Variants in ARMH1 observed in about 807,000 individuals in gnomAD.
ARMH1 encodes armadillo-like helical domain containing protein 1.
Under a neutral mutation model 50.2 loss-of-function variants are expected in ARMH1, and 34 were observed. That is an observed-to-expected ratio of 0.68 (90% CI 0.51 to 0.90). The LOEUF (loss-of-function observed/expected upper bound fraction) is 0.90. Among genes scored for constraint, ARMH1 ranks in the 40% least tolerant of loss-of-function variants. The probability of loss-of-function intolerance (pLI) is 0.00; values close to 1 mark genes in which losing one functional copy is unlikely to be tolerated. For missense variants in ARMH1, 538 were observed against 553.9 expected (o/e 0.97, Z 0.29); for synonymous variants, 221 against 224.2 (o/e 0.99, Z 0.13).
intron 4 of ARMH1, 39 bp downstream of exon 4, chr1:44,698,268 C>G (rs1220561160): frequency 6.7e-7 from 1 of 1,498,862 alleles, no homozygotes; most frequent in Non-Finnish European, 9.0e-7. Context: ...TCCCTAGGGG[C>G]CTGAATGACA....
At chr1:44,721,043 A>C (rs1647088991) in intron 6 of ARMH1, among the ~76,000 whole-genome samples, 1 of 151,934 alleles carries the variant, frequency 6.6e-6, no homozygotes, top group South Asian at 2.1e-4. Context: ...TCTCAAAACA[A>C]AACAAAACAA....
intron 6 of ARMH1, among the ~76,000 whole-genome samples, chr1:44,713,380 T>G (rs929810939): frequency 2.0e-5 from 3 of 151,938 alleles, no homozygotes; most frequent in Non-Finnish European, 4.4e-5. Flanking sequence ...ATTACAGGTA[T>G]GAGTCACTGC....
chr1:44,706,525 C>T (rs1162242915), intron 6 of ARMH1, among the ~76,000 whole-genome samples: 1 of 152,140 alleles, frequency 6.6e-6, no homozygotes, highest in Non-Finnish European at 1.5e-5. Flanking sequence ...GGTTCACGTA[C>T]GCAAGTGAGA....
At position 44,675,424 on chromosome 1, in the gene ARMH1, G is replaced by A. The variant is rs551865706; in HGVS notation, c.-23+551G>A. Among the ~76,000 whole-genome samples, 7 of 152,296 alleles carry A rather than the reference G, an allele frequency of 4.6e-5. No individual in the cohort carries two copies. The East Asian group carries it at 1.2e-3, about 25-fold the overall frequency. ...ACTCGTAATCCCAGCACTTTGGAAG[G>A]CCAAGACGGGAGAATGGCTTGAAGG... On this transcript the variant is annotated intron_variant, in intron 1 of 11. Coordinates refer to ENST00000535358, the MANE Select transcript of ARMH1 (RefSeq NM_001145636.2).
Position 44,724,701 on chromosome 1 carries a change from G to A in ARMH1, c.1050+33G>A. 6.7e-7 allele frequency: 1 copy of A among 1,481,796 alleles called. No individual in the cohort carries two copies. The highest frequency in any genetic ancestry group is 8.9e-7 in the Non-Finnish European group (1 of 1,123,588). 91.8% of individuals were successfully genotyped at this position (1,481,796 alleles called of 1,614,324 possible). On this transcript the variant is annotated intron_variant, in intron 9 of 11. Coordinates refer to ENST00000535358, the MANE Select transcript of ARMH1 (RefSeq NM_001145636.2). The surrounding 1 kb of genome is among the most constrained non-coding windows in gnomAD (Gnocchi z 6.4). ...CGGCGGCTGGTTAGGGGGCGGGAAG[G>A]GCGGCGGCACCCGCAGCCCCGTCGC...
At chr1:44,698,314 C>T in intron 4 of ARMH1, 85 bp downstream of exon 4, 2 of 1,218,504 alleles carry the variant, frequency 1.6e-6, no homozygotes, top group Admixed American at 3.0e-5. Flanking sequence ...AGGAAAAACA[C>T]ATCATGAAAC....
chr1:44,714,476 T>C (rs1243507533), intron 6 of ARMH1, among the ~76,000 whole-genome samples: 1 of 151,806 alleles, frequency 6.6e-6, no homozygotes, highest in Non-Finnish European at 1.5e-5. Flanking sequence ...TCCCAGCTAC[T>C]TGGGAGGCTG....
chr1:44,701,704 G>A (rs1646089107), intron 5 of ARMH1, among the ~76,000 whole-genome samples: 3 of 152,168 alleles, frequency 2.0e-5, no homozygotes, highest in Non-Finnish European at 2.9e-5. Flanking sequence ...TGCAGTGGGT[G>A]GATCACTTGA....
At chr1:44,721,739 G>A (rs564917891) in intron 6 of ARMH1, 16 of 151,972 alleles carry the variant, frequency 1.1e-4, no homozygotes, top group East Asian at 1.9e-4. Flanking sequence ...ACCTCCCAAA[G>A]CATGAAACAC....
intron 2 of ARMH1, among the ~76,000 whole-genome samples, chr1:44,696,110 C>T (rs1409756733): frequency 1.3e-5 from 2 of 152,256 alleles, no homozygotes; most frequent in Non-Finnish European, 2.9e-5. Flanking sequence ...AAAAGACCAC[C>T]GTGTGGGCTG....
intron 4 of ARMH1, among the ~76,000 whole-genome samples, chr1:44,700,597 C>G (rs1349209600): frequency 8.3e-6 from 1 of 120,994 alleles, no homozygotes; most frequent in Non-Finnish European, 1.6e-5. Flanking sequence ...GCCTGGGCAA[C>G]AGACAGAGAC....
intron 3 of ARMH1, among the ~76,000 whole-genome samples, chr1:44,697,427 A>G (rs996051638): frequency 2.0e-5 from 3 of 152,148 alleles, no homozygotes; most frequent in East Asian, 1.9e-4. Flanking sequence ...TGGACTCAGA[A>G]AAAGGAAAAT....
At chr1:44,722,163 C>G (rs533515772) in intron 6 of ARMH1, among the ~76,000 whole-genome samples, 1 of 152,228 alleles carries the variant, frequency 6.6e-6, no homozygotes, top group African/African-American at 2.4e-5. Flanking sequence ...TCCTCTAAAC[C>G]CTCTCTCTCT....
At chr1:44,688,242 G>A (rs1645539191) in intron 1 of ARMH1, 4 of 152,332 alleles carry the variant, frequency 2.6e-5, no homozygotes, top group Admixed American at 6.5e-5. Flanking sequence ...GCTAGATTTC[G>A]TGGTTATCTC....
intron 2 of ARMH1, among the ~76,000 whole-genome samples, chr1:44,694,331 C>A (rs1388761167): frequency 6.6e-6 from 1 of 152,120 alleles, no homozygotes; most frequent in African/African-American, 2.4e-5. Context: ...TGGAGGAAAA[C>A]AAGTCAATAT....
intron 6 of ARMH1, among the ~76,000 whole-genome samples, chr1:44,710,608 CAA>C (rs56731047): frequency 0.53 from 49,036 of 92,318 alleles, 8,953 homozygotes; most frequent in Admixed American, 0.59. Flanking sequence ...GACTCCGTCT[CAA>C]AAAAAAAAAA....
rs921921871 is a variant in ARMH1 at position 44,721,623 on chromosome 1, T to C, written c.725-2499T>C. ...AAGTACACAAAATTAGACAGGCTTA[T>C]GAGGCTGAGGTGGGAGGATTGCTTG... On this transcript the variant is annotated intron_variant, in intron 6 of 11. Coordinates refer to ENST00000535358, the MANE Select transcript of ARMH1 (RefSeq NM_001145636.2). Among the ~76,000 whole-genome samples, 14 of 152,216 alleles carry C rather than the reference T, an allele frequency of 9.2e-5. No homozygotes were observed. In the South Asian group the frequency reaches 1.2e-3, roughly 14 times the overall value.
intron 6 of ARMH1, among the ~76,000 whole-genome samples, chr1:44,709,873 T>A (rs1646524437): frequency 1.3e-5 from 2 of 152,034 alleles, no homozygotes; most frequent in South Asian, 4.1e-4. Flanking sequence ...AACAAATACG[T>A]ATAAGAATCA....
Position 44,682,452 on chromosome 1 carries a change from A to C in ARMH1, c.-22-7224A>C, listed in dbSNP as rs1375484327. Among the ~76,000 whole-genome samples, 1 of 152,076 alleles carries C rather than the reference A, an allele frequency of 6.6e-6. No homozygotes were observed. The highest frequency in any genetic ancestry group is 2.4e-5 in the African/African-American group (1 of 41,388). On this transcript the variant is annotated intron_variant, in intron 1 of 11. Transcript: ENST00000535358. The surrounding 1 kb of genome is among the most constrained non-coding windows in gnomAD (Gnocchi z 4.5). The stretch of plus-strand genomic sequence containing the variant: ...AGGATAGTGGGCAGCCCCCTTCCTG[A>C]TTTAGAAGCAGCAGCAGCATGGGTT...
Sources: gnomAD v4.1 joint callset for allele counts (sites outside exome capture counted in the v4.1 genomes callset) on GRCh38, gnomAD v4.1.1 for gene constraint, Gnocchi (gnomAD v3.1) non-coding constraint, MANE v1.5 for transcripts, NCBI Gene and HGNC (gene_info 2026-07-23, HGNC 2026-07-21) for gene names.